TIAM1: variants seen among roughly 807,000 people sequenced by gnomAD.
TIAM1 encodes the protein rho guanine nucleotide exchange factor TIAM1.
A neutral mutation model predicts 163.5 loss-of-function variants in TIAM1; 65 were observed. The ratio of observed to expected loss-of-function variants is 0.40; its 90% CI spans 0.33 to 0.49. The LOEUF (loss-of-function observed/expected upper bound fraction) is 0.49. Among genes scored for constraint, TIAM1 ranks in the 20% least tolerant of loss-of-function variants. The pLI is 0.77. For missense variants in TIAM1, 1,789 were observed against 2,044.7 expected, an observed-to-expected ratio of 0.87 and a Z score of 2.41; for synonymous variants, 833 against 810.1, an observed-to-expected ratio of 1.03 and a Z score of -0.48.
intron 6 of TIAM1, among the ~76,000 whole-genome samples, chr21:31,231,178 G>A (rs16987983): frequency 0.048 from 7,289 of 152,236 alleles, 521 homozygotes; most frequent in African/African-American, 0.16. Context: ...GGATCCATAA[G>A]AGTCTAGGAT....
chr21:31,227,255 C>T lies in TIAM1; in HGVS notation c.1585-1305G>A, dbSNP rs574326030. ...TACAGATGTGAGCCATCTTGCCCAG[C>T]CACTTGTAAACAACATTCTATTAAC... On this transcript the variant is annotated intron_variant, in intron 6 of 27. Coordinates refer to ENST00000541036, the MANE Select transcript of TIAM1 (RefSeq NM_001353694.2). Among the ~76,000 whole-genome samples the T allele has an allele frequency of 6.3e-4, 96 of 152,250 alleles. 2 individuals carry two copies. The South Asian group carries it at 1.0e-2, about 16-fold the overall frequency.
intron 1 of TIAM1, among the ~76,000 whole-genome samples, chr21:31,486,812 T>C (rs1370632951): frequency 6.6e-6 from 1 of 152,176 alleles, no homozygotes; most frequent in Non-Finnish European, 1.5e-5. Flanking sequence ...TGAGATGTAA[T>C]GAGAGTCATA....
chr21:31,435,335 T>C (rs748818640), intron 2 of TIAM1, among the ~76,000 whole-genome samples: 6 of 152,232 alleles, frequency 3.9e-5, no homozygotes, highest in Non-Finnish European at 8.8e-5. Flanking sequence ...TACATGCTTA[T>C]AGAGTAACTT....
chr21:31,242,860 C>CAAAAAAAAAAAAAAAAAAAAAAAAA (rs11417948), intron 6 of TIAM1, among the ~76,000 whole-genome samples: 2 of 95,090 alleles, frequency 2.1e-5, no homozygotes, highest in African/African-American at 4.6e-5. Context: ...GACTCTGTCT[C>CAAAAAAAAAAAAAAAAAAAAAAAAA]AAAAAAAAAA....
At chr21:31,460,525 G>A (rs920849464) in intron 2 of TIAM1, among the ~76,000 whole-genome samples, 3 of 152,202 alleles carry the variant, frequency 2.0e-5, no homozygotes, top group African/African-American at 7.2e-5. Flanking sequence ...TACTCGAGAG[G>A]CTGAGGCCAC....
At chr21:31,329,817 AT>A (rs1338808990) in intron 2 of TIAM1, among the ~76,000 whole-genome samples, 12 of 152,198 alleles carry the variant, frequency 7.9e-5, no homozygotes, top group Middle Eastern at 3.2e-3. Context: ...ACTAGATGTC[AT>A]GAGTAGAATG....
At chr21:31,309,095 A>G (rs2074827046) in intron 2 of TIAM1, among the ~76,000 whole-genome samples, 2 of 152,180 alleles carry the variant, frequency 1.3e-5, no homozygotes, top group Admixed American at 6.5e-5. Flanking sequence ...AAAACTGACT[A>G]AAGATCAATT....
intron 10 of TIAM1, 92 bp from the exon 11 acceptor site, chr21:31,210,307 T>A: frequency 7.2e-7 from 1 of 1,393,094 alleles, no homozygotes; most frequent in African/African-American, 1.4e-5. Context: ...CCGATTCCCA[T>A]GAAAACAGCC....
At chr21:31,483,006 C>G (rs1459659347) in intron 1 of TIAM1, among the ~76,000 whole-genome samples, 1 of 151,214 alleles carries the variant, frequency 6.6e-6, no homozygotes, top group African/African-American at 2.4e-5. Flanking sequence ...ACTAAGCAGC[C>G]TGCCCCAGGT....
rs147467227 is a variant in TIAM1, at chr21:31,336,277, T to C, written c.-189+2966A>G. ...CACCTACCATTTGCATGAAATCTGTTGAACTACATCTGAAGTACTGGGGGA... is the reference window on the plus strand; with the variant it reads ...CACCTACCATTTGCATGAAATCTGTCGAACTACATCTGAAGTACTGGGGGA... On this transcript the variant is annotated intron_variant, in intron 2 of 27. Coordinates refer to ENST00000541036, the MANE Select transcript of TIAM1 (RefSeq NM_001353694.2). 2.0e-5 allele frequency among the ~76,000 whole-genome samples: 3 copies of C among 152,292 alleles called. No homozygotes were observed. The East Asian group carries it at 5.8e-4, about 29-fold the overall frequency.
At chr21:31,137,405 AGATATT>A (rs1436761346) in intron 22 of TIAM1, among the ~76,000 whole-genome samples, 11 of 152,190 alleles carry the variant, frequency 7.2e-5, no homozygotes, top group Non-Finnish European at 4.4e-5. Context: ...TTTTGTCTAT[AGATATT>A]AAGTAACTCA....
At chr21:31,297,981 G>A (rs2074353263) in intron 2 of TIAM1, among the ~76,000 whole-genome samples, 1 of 152,164 alleles carries the variant, frequency 6.6e-6, no homozygotes, top group African/African-American at 2.4e-5. Context: ...ACTGCTATTT[G>A]CAGGGTGCTT....
chr21:31,550,469 C>T (rs2048645338), intron 1 of TIAM1, among the ~76,000 whole-genome samples: 1 of 151,804 alleles, frequency 6.6e-6, no homozygotes, highest in South Asian at 2.1e-4. Flanking sequence ...TAGTGGTAGC[C>T]AAGTGCTGGG....
At chr21:31,495,444 G>A (rs367731680) in intron 1 of TIAM1, among the ~76,000 whole-genome samples, 24 of 152,104 alleles carry the variant, frequency 1.6e-4, no homozygotes, top group East Asian at 7.7e-4. Flanking sequence ...GCCAAATGCC[G>A]CGTAAAGTCT....
At chr21:31,265,676 A>C (rs2072717923) in intron 4 of TIAM1, among the ~76,000 whole-genome samples, 1 of 152,224 alleles carries the variant, frequency 6.6e-6, no homozygotes, top group Non-Finnish European at 1.5e-5. Flanking sequence ...GGAAGGACCA[A>C]GTTAGAAAGG....
At chr21:31,490,701 A>C (rs2046436259) in intron 1 of TIAM1, among the ~76,000 whole-genome samples, 1 of 152,212 alleles carries the variant, frequency 6.6e-6, no homozygotes, top group Non-Finnish European at 1.5e-5. Flanking sequence ...TAGACTGGGG[A>C]GTTCCAGGAA....
Position 31,362,855 on chromosome 21 carries a change from A to T in TIAM1, c.-368-23433T>A, listed in dbSNP as rs79232134. 5.7e-3 allele frequency among the ~76,000 whole-genome samples: 862 copies of T among 152,234 alleles called. 5 individuals are homozygous for T. Among genetic ancestry groups the T allele is most frequent in the Middle Eastern group, 0.017 (5 of 294 alleles). ...TCTTACTTACACTGTAAGGGGGTTT[A>T]TCATTGTATTTTCTGATTAGGATGC... On this transcript the variant is annotated intron_variant, in intron 2 of 28. Transcript: ENST00000286827.
intron 2 of TIAM1, among the ~76,000 whole-genome samples, chr21:31,391,442 C>T (rs774023267): frequency 2.6e-5 from 4 of 152,082 alleles, no homozygotes; most frequent in East Asian, 1.9e-4. Context: ...CTGGCCAACA[C>T]GGCAAAACCC....
intron 18 of TIAM1, 33 bp downstream of exon 18, chr21:31,153,033 A>G (rs768072143): frequency 3.8e-6 from 6 of 1,598,202 alleles, no homozygotes; most frequent in East Asian, 2.2e-5. Context: ...CCACGGTATG[A>G]TGGTCACAAA....
Sources: allele counts gnomAD v4.1 joint callset (sites outside exome capture counted in the v4.1 genomes callset), GRCh38; gene constraint gnomAD v4.1.1; transcripts MANE v1.5; gene names NCBI Gene and HGNC (gene_info 2026-07-23, HGNC 2026-07-21).